NUSAP1: variants seen among roughly 807,000 people sequenced by gnomAD.
The protein encoded by NUSAP1 is nucleolar and spindle associated protein 1, also known as nucleolar and spindle-associated protein 1.
NUSAP1 carries 32 observed loss-of-function variants against 52.8 expected under a neutral mutation model. The observed-to-expected ratio is 0.61, with a 90% confidence interval of 0.46 to 0.81. The LOEUF is 0.81. Ranked by LOEUF, NUSAP1 falls within the 40% of genes least tolerant of loss-of-function variation. The probability of loss-of-function intolerance (pLI) is 0.00; values close to 1 mark genes in which losing one functional copy is unlikely to be tolerated. For missense variants in NUSAP1, 499 were observed against 522.3 expected (o/e 0.96, Z 0.43); for synonymous variants, 195 against 183.1 (o/e 1.06, Z -0.52).
intron 1 of NUSAP1, among the ~76,000 whole-genome samples, chr15:41,334,363 C>T (rs1567034248): frequency 6.6e-6 from 1 of 152,128 alleles, no homozygotes; most frequent in Non-Finnish European, 1.5e-5. Flanking sequence ...CTGATCCGCC[C>T]GCCTCAGCCC....
At position 41,365,432 on chromosome 15, in the gene NUSAP1, A is replaced by G. The variant is rs760693265; in HGVS notation, c.691A>G (p.Thr231Ala). ...GCCCATCAATAAGGGAGGGGTCAGG[A>G]CTCCAGTACCTCCAAGAGGAAGACT... ...QQPINKGGVRTPVPPRGRLSV... is the reference protein window; with the variant it reads ...QQPINKGGVRAPVPPRGRLSV... Residue 231 changes from threonine to alanine, a missense_variant, in exon 7 of 11, where the codon ACT (threonine) becomes GCT (alanine). Transcript: ENST00000559596. The G allele has an allele frequency of 6.2e-7, 1 of 1,611,516 alleles. No homozygotes were observed.
At position 41,332,907 on chromosome 15, in the gene NUSAP1, G is replaced by A. The variant is rs1384859743; in HGVS notation, c.-51G>A. The stretch of plus-strand genomic sequence containing the variant: ...TGGCGCCAGGGATTTGAACCGCGCT[G>A]ACGAAGTTTGGTGATCCATCTTCCG... On this transcript the variant is annotated 5_prime_UTR_variant, in exon 1 of 11. Coordinates refer to ENST00000559596, the MANE Select transcript of NUSAP1 (RefSeq NM_016359.5). The A allele has an allele frequency of 6.3e-6, 9 of 1,438,370 alleles. No homozygotes were observed. The highest frequency in any genetic ancestry group is 1.4e-5 in the African/African-American group (1 of 71,130). The allele number at this position is 1,438,370 out of a possible 1,614,324, so 89.1% of individuals were successfully genotyped here.
chr15:41,373,625 T>C (rs141572965), intron 8 of NUSAP1, among the ~76,000 whole-genome samples: 41 of 151,660 alleles, frequency 2.7e-4, no homozygotes, highest in Non-Finnish European at 4.9e-4. Flanking sequence ...AATTTTTGTA[T>C]TTTTGGTAGA....
At position 41,332,938 on chromosome 15, in the gene NUSAP1, C is replaced by T. The variant is rs372718624; in HGVS notation, c.-20C>T. 34 of 1,585,936 alleles carry T rather than the reference C, an allele frequency of 2.1e-5. No individual in the cohort carries two copies. The African/African-American group carries it at 3.9e-4, about 18-fold the overall frequency. Reference sequence around the variant, plus strand: ...GTTTGGTGATCCATCTTCCGAGTATCGCCGGGATTTCGAATCGCGATGATC... The same window carrying T: ...GTTTGGTGATCCATCTTCCGAGTATTGCCGGGATTTCGAATCGCGATGATC... On this transcript the variant is annotated 5_prime_UTR_variant, in exon 1 of 11. Coordinates refer to ENST00000559596, the MANE Select transcript of NUSAP1 (RefSeq NM_016359.5).
At chr15:41,373,020 G>A (rs2049766000) in intron 8 of NUSAP1, among the ~76,000 whole-genome samples, 1 of 151,964 alleles carries the variant, frequency 6.6e-6, no homozygotes, top group East Asian at 1.9e-4. Context: ...CCAGGAAGCA[G>A]AGGTTGCAGT....
intron 6 of NUSAP1, among the ~76,000 whole-genome samples, chr15:41,359,714 C>G (rs1446594625): frequency 6.6e-6 from 1 of 151,862 alleles, no homozygotes; most frequent in Non-Finnish European, 1.5e-5. Flanking sequence ...TCACTGCAAC[C>G]TCTGCCTCCC....
chr15:41,372,996 G>A (rs1299378217), intron 8 of NUSAP1, among the ~76,000 whole-genome samples: 1 of 151,910 alleles, frequency 6.6e-6, no homozygotes, highest in African/African-American at 2.4e-5. Context: ...GCTGAGGTAG[G>A]AGAATCGCTT....
At position 41,356,130 on chromosome 15, in the gene NUSAP1, C is replaced by T. The variant is rs761738525; in HGVS notation, c.540C>T (p.Ile180=). 3.1e-6 allele frequency: 5 copies of T among 1,589,612 alleles called. No homozygotes were observed. Among genetic ancestry groups the T allele is most frequent in the Non-Finnish European group, 4.3e-6 (5 of 1,163,316 alleles). The part of the protein sequence containing the change: ...SKPGKNKRTA[I]TTPNFKKLHE... ...CTGGAAAAAATAAAAGAACTGCAATCACTACTCCAAGTAAGTTTTGTAGAC... is the reference window on the plus strand; with the variant it reads ...CTGGAAAAAATAAAAGAACTGCAATTACTACTCCAAGTAAGTTTTGTAGAC... The change falls in exon 5 of 11, where the codon ATC becomes ATT. Residue 180 remains isoleucine (I), a synonymous_variant. Transcript: ENST00000559596.
In NUSAP1 at chr15:41,365,564, A is replaced by G; in HGVS notation, c.823A>G (p.Ile275Val). 2 of 1,606,550 alleles carry G rather than the reference A, an allele frequency of 1.2e-6. No homozygotes were observed. Among genetic ancestry groups the G allele is most frequent in the South Asian group, 1.1e-5 (1 of 90,450 alleles). The change falls in exon 7 of 11, where the codon ATC becomes GTC. Residue 275 changes from isoleucine (I) to valine (V), a missense_variant. By Grantham distance (29) the Ile-to-Val change is conservative (BLOSUM62 3). Transcript: ENST00000559596. The part of the protein sequence containing the change: ...GLKGSLKRSA[I>V]SAAKTGVRFS... ...GAAGGGGTCACTCAAGCGCTCTGCT[A>G]TCTCTGCAGCTAAAACGGGTGTCAG...
intron 10 of NUSAP1, among the ~76,000 whole-genome samples, chr15:41,378,573 C>T (rs895394004): frequency 1.3e-5 from 2 of 152,144 alleles, no homozygotes; most frequent in African/African-American, 4.8e-5. Flanking sequence ...ATCACGATGT[C>T]AGGAGTTGAA....
At chr15:41,378,169 A>G (rs1343613680) in intron 10 of NUSAP1, among the ~76,000 whole-genome samples, 1 of 152,186 alleles carries the variant, frequency 6.6e-6, no homozygotes, top group Non-Finnish European at 1.5e-5. Context: ...TGCATGACTC[A>G]TCTGCCTAAA....
intron 8 of NUSAP1, 141 bp downstream of exon 8, chr15:41,371,825 T>C (rs2140834038): frequency 1.0e-6 from 1 of 958,418 alleles, no homozygotes; most frequent in Admixed American, 3.1e-5. Context: ...GGCTAGAGTG[T>C]AATGGCGGGA....
chr15:41,378,093 C>T lies in NUSAP1; in HGVS notation c.1232+789C>T, dbSNP rs113758567. Among the ~76,000 whole-genome samples the T allele has an allele frequency of 5.6e-3, 853 of 152,268 alleles. 12 individuals carry two copies. The highest frequency in any genetic ancestry group is 0.019 in the African/African-American group (794 of 41,542). ...CAGCAGATTTGGGGTGAGGCCCAAGCACCTGCATTGTTTCCAAGGCTCTGC... is the reference window on the plus strand; with the variant it reads ...CAGCAGATTTGGGGTGAGGCCCAAGTACCTGCATTGTTTCCAAGGCTCTGC... On this transcript the variant is annotated intron_variant, in intron 10 of 10. Coordinates refer to ENST00000559596, the MANE Select transcript of NUSAP1 (RefSeq NM_016359.5).
intron 7 of NUSAP1, among the ~76,000 whole-genome samples, chr15:41,371,195 G>A (rs72739637): frequency 0.079 from 12,010 of 152,048 alleles, 659 homozygotes; most frequent in South Asian, 0.22. Flanking sequence ...CCTGGAGGAG[G>A]AGGAGGAGGA....
At chr15:41,340,987 C>T (rs764059962) in intron 1 of NUSAP1, among the ~76,000 whole-genome samples, 6 of 152,154 alleles carry the variant, frequency 3.9e-5, no homozygotes, top group Non-Finnish European at 8.8e-5. Context: ...TGGCTGGGCC[C>T]ACCTTGAGAA....
chr15:41,373,699 C>T (rs1022514347), intron 8 of NUSAP1, among the ~76,000 whole-genome samples: 14 of 151,860 alleles, frequency 9.2e-5, no homozygotes, highest in African/African-American at 2.9e-4. Flanking sequence ...CCGCTCACCT[C>T]GGCCTGCCAA....
intron 1 of NUSAP1, among the ~76,000 whole-genome samples, chr15:41,337,385 G>A: frequency 6.6e-6 from 1 of 151,996 alleles, no homozygotes; most frequent in Middle Eastern, 3.2e-3. Flanking sequence ...CCTGTCTAAG[G>A]GCAACCTTTC....
rs745609653 is a variant in NUSAP1 at position 41,365,502 on chromosome 15, G to A, written c.761G>A (p.Arg254Gln). Reference sequence around the variant, plus strand: ...ATCAGCCAACGACGCTCGCAAGGCCGGTCTTGTGGCCCTGCAAGTCAGAGT... The same window carrying A: ...ATCAGCCAACGACGCTCGCAAGGCCAGTCTTGTGGCCCTGCAAGTCAGAGT... ...TPISQRRSQG[R>Q]SCGPASQSTL... The change falls in exon 7 of 11, where the codon CGG becomes CAG. Residue 254 changes from arginine (R) to glutamine (Q), a missense_variant. Transcript: ENST00000559596. 26 of 1,612,450 alleles carry A rather than the reference G, an allele frequency of 1.6e-5. No homozygotes were observed. Among genetic ancestry groups the A allele is most frequent in the South Asian group, 5.5e-5 (5 of 90,746 alleles).
intron 1 of NUSAP1, among the ~76,000 whole-genome samples, chr15:41,336,914 T>C (rs1046026122): frequency 6.6e-6 from 1 of 151,522 alleles, no homozygotes; most frequent in African/African-American, 2.4e-5. Flanking sequence ...CTTTACCTCA[T>C]AGGTCATGGG....
Sources: allele counts gnomAD v4.1 joint callset (sites outside exome capture counted in the v4.1 genomes callset), GRCh38; gene constraint gnomAD v4.1.1; transcripts MANE v1.5; gene names NCBI Gene and HGNC (gene_info 2026-07-23, HGNC 2026-07-21).